Variants in CNTN6 observed in about 807,000 individuals in gnomAD.
The protein encoded by CNTN6 is contactin 6.
In CNTN6, 137 loss-of-function variants were observed where a neutral mutation model predicts 122.8. The ratio of observed to expected loss-of-function variants is 1.12; its 90% confidence interval spans 0.97 to 1.29. The LOEUF is 1.29. Ranked by LOEUF, CNTN6 falls within the 50% of genes most tolerant of loss-of-function variation. The probability of loss-of-function intolerance (pLI) is 0.00; values close to 1 mark genes in which losing one functional copy is unlikely to be tolerated. For synonymous variants in CNTN6, 570 were observed against 426.0 expected, an observed-to-expected ratio of 1.34 and a Z score of -4.16; for missense variants, 1,634 against 1,223.4, an observed-to-expected ratio of 1.34 and a Z score of -5.01.
At chr3:1,392,484 A>G (rs1461337368) in intron 20 of CNTN6, among the ~76,000 whole-genome samples, 1 of 152,000 alleles carries the variant, frequency 6.6e-6, no homozygotes, top group African/African-American at 2.4e-5. Context: ...ACCATTCAGG[A>G]CATAGGCATG....
At chr3:1,152,859 A>G (rs184993839) in intron 2 of CNTN6, among the ~76,000 whole-genome samples, 1 of 152,320 alleles carries the variant, frequency 6.6e-6, no homozygotes, top group Admixed American at 6.5e-5. Context: ...GTCCTTAAGA[A>G]GAGTGTCAGT....
At chr3:1,101,969 AGAT>A (rs921572927) in intron 1 of CNTN6, among the ~76,000 whole-genome samples, 2 of 152,202 alleles carry the variant, frequency 1.3e-5, no homozygotes, top group Non-Finnish European at 2.9e-5. Flanking sequence ...CATATTTTTA[AGAT>A]GATTTCTGCT....
chr3:1,356,578 C>T (rs1706592114), intron 12 of CNTN6, among the ~76,000 whole-genome samples: 1 of 151,604 alleles, frequency 6.6e-6, no homozygotes, highest in Admixed American at 6.6e-5. Flanking sequence ...TATTGACAAG[C>T]CCAGTTTGAT....
chr3:1,343,716 C>A (rs77982091), intron 11 of CNTN6, among the ~76,000 whole-genome samples: 2,280 of 151,696 alleles, frequency 0.015, 32 homozygotes, highest in African/African-American at 0.038. Context: ...CTCTCTCTCT[C>A]TATATATATA....
At chr3:1,117,863 A>T (rs1218448829) in intron 1 of CNTN6, among the ~76,000 whole-genome samples, 2 of 152,214 alleles carry the variant, frequency 1.3e-5, no homozygotes. Context: ...TGTATATTAT[A>T]TAGAACCTCA....
chr3:1,297,423 A>G (rs1575597241), intron 6 of CNTN6, among the ~76,000 whole-genome samples: 1 of 151,686 alleles, frequency 6.6e-6, no homozygotes, highest in East Asian at 1.9e-4. Flanking sequence ...CCTTGGATTG[A>G]AAGTTTTAAA....
intron 8 of CNTN6, among the ~76,000 whole-genome samples, chr3:1,324,620 C>G (rs948590941): frequency 1.3e-5 from 2 of 149,696 alleles, no homozygotes; most frequent in East Asian, 3.9e-4. Flanking sequence ...GTAGACAGCT[C>G]TAAAGACTGC....
At chr3:1,381,354 C>T (rs1319735035) in intron 17 of CNTN6, among the ~76,000 whole-genome samples, 1 of 152,154 alleles carries the variant, frequency 6.6e-6, no homozygotes, top group African/African-American at 2.4e-5. Context: ...TCCGGAGCAG[C>T]ACTTTTCTTC....
At chr3:1,251,367 A>G (rs1047976845) in intron 4 of CNTN6, among the ~76,000 whole-genome samples, 5 of 152,182 alleles carry the variant, frequency 3.3e-5, no homozygotes, top group African/African-American at 1.2e-4. Flanking sequence ...GCTAGATCCT[A>G]TAATTCACGA....
rs1250532005 is a variant in CNTN6, at chr3:1,268,601, C to T, written c.359-9812C>T. The stretch of plus-strand genomic sequence containing the variant: ...CAGCCTGGGCGACAGAGCGAGACTC[C>T]GTCTCAAAAAAAAAAAAAAAAAATA... On this transcript the variant is annotated intron_variant, in intron 4 of 22. Transcript: ENST00000446702. 1.6e-4 allele frequency among the ~76,000 whole-genome samples: 17 copies of T among 107,570 alleles called. 1 individual carries two copies. Among genetic ancestry groups the T allele is most frequent in the East Asian group, 1.0e-3 (3 of 2,940 alleles). The allele number at this position is 107,570 out of a possible 152,430, so 70.6% of individuals were successfully genotyped here.
At chr3:1,290,370 T>G (rs571370329) in intron 5 of CNTN6, among the ~76,000 whole-genome samples, 1 of 152,148 alleles carries the variant, frequency 6.6e-6, no homozygotes, top group Non-Finnish European at 1.5e-5. Flanking sequence ...GAGGAACATT[T>G]GTCTTAGAAT....
intron 1 of CNTN6, among the ~76,000 whole-genome samples, chr3:1,124,523 TGGGGACTCA>T (rs2092085932): frequency 6.6e-6 from 1 of 151,808 alleles, no homozygotes; most frequent in Non-Finnish European, 1.5e-5. Context: ...TAATCGAGTT[TGGGGACTCA>T]GGGTTGGGGG....
At chr3:1,162,522 C>G (rs1193597770) in intron 2 of CNTN6, among the ~76,000 whole-genome samples, 3 of 152,172 alleles carry the variant, frequency 2.0e-5, no homozygotes, top group African/African-American at 7.2e-5. Context: ...TGCCAATTGT[C>G]TTTTCCACTT....
chr3:1,298,284 C>G (rs1172757743), intron 7 of CNTN6: 1 of 251,910 alleles, frequency 4.0e-6, no homozygotes, highest in East Asian at 8.6e-5. Flanking sequence ...GGAATAAGTG[C>G]ACTCGTATAA....
At chr3:1,294,859 T>G (rs1695941750) in intron 5 of CNTN6, among the ~76,000 whole-genome samples, 1 of 152,226 alleles carries the variant, frequency 6.6e-6, no homozygotes, top group African/African-American at 2.4e-5. Context: ...TTACTCACAT[T>G]ATTGGCAATT....
chr3:1,213,162 ATATTAT>A (rs761099763), intron 2 of CNTN6, among the ~76,000 whole-genome samples: 6 of 152,188 alleles, frequency 3.9e-5, no homozygotes, highest in Non-Finnish European at 8.8e-5. Context: ...CAAGTATAAG[ATATTAT>A]TAAGCCAAGT....
In CNTN6 at chr3:1,285,729, C is replaced by T. The variant is rs188057220; in HGVS notation, c.454+7221C>T. Among the ~76,000 whole-genome samples, 366 of 152,252 alleles carry T rather than the reference C, an allele frequency of 2.4e-3. 3 individuals carry two copies. Among genetic ancestry groups the T allele is most frequent in the South Asian group, 0.016 (78 of 4,826 alleles). ...TGGCCAAGATCTTGTCTCTGGAATTCGAAAGATCCTGTCTAAACATCAGTG... is the reference window on the plus strand; with the variant it reads ...TGGCCAAGATCTTGTCTCTGGAATTTGAAAGATCCTGTCTAAACATCAGTG... On this transcript the variant is annotated intron_variant, in intron 5 of 22. Transcript: ENST00000446702.
intron 16 of CNTN6, among the ~76,000 whole-genome samples, chr3:1,374,997 A>C (rs1373037280): frequency 6.6e-6 from 1 of 152,098 alleles, no homozygotes; most frequent in Admixed American, 6.6e-5. Context: ...CCAGGATATT[A>C]GCTGGTTGTT....
chr3:1,233,223 G>A (rs1467537042), intron 4 of CNTN6, among the ~76,000 whole-genome samples: 3 of 152,152 alleles, frequency 2.0e-5, no homozygotes, highest in Non-Finnish European at 4.4e-5. Flanking sequence ...TTAAATGCCA[G>A]TATTGCCCAT....
Sources: allele counts gnomAD v4.1 joint callset (sites outside exome capture counted in the v4.1 genomes callset), GRCh38; gene constraint gnomAD v4.1.1; transcripts MANE v1.5; gene names NCBI Gene and HGNC (gene_info 2026-07-23, HGNC 2026-07-21).